VPS41: variants seen among roughly 807,000 people sequenced by gnomAD.
VPS41 encodes VPS41 subunit of HOPS complex.
In VPS41, 85 loss-of-function variants were observed where a neutral mutation model predicts 130.9. The ratio of observed to expected loss-of-function variants is 0.65; its 90% confidence interval spans 0.55 to 0.78. The LOEUF is 0.78. VPS41 is among the 30% of genes least tolerant of loss of function. The pLI, the probability that VPS41 is intolerant of heterozygous loss-of-function variation, is 0.00. For missense variants in VPS41, 874 were observed against 1,018.7 expected (o/e 0.86, Z 1.93); for synonymous variants, 335 against 332.9 (o/e 1.01, Z -0.07).
chr7:38,821,920 A>G (rs912056238), intron 5 of VPS41, among the ~76,000 whole-genome samples: 2 of 152,054 alleles, frequency 1.3e-5, no homozygotes, highest in African/African-American at 2.4e-5. Context: ...AGCTGTCCCT[A>G]AAGGAACTAT....
At chr7:38,831,925 T>C (rs934945582) in intron 4 of VPS41, among the ~76,000 whole-genome samples, 11 of 152,192 alleles carry the variant, frequency 7.2e-5, no homozygotes, top group African/African-American at 2.7e-4. Flanking sequence ...AGCAACATTA[T>C]GGGGGAAAAA....
intron 4 of VPS41, among the ~76,000 whole-genome samples, chr7:38,842,304 A>G (rs1785624400): frequency 6.6e-6 from 1 of 152,106 alleles, no homozygotes; most frequent in Admixed American, 6.6e-5. Context: ...AAGCCCCACA[A>G]GCACATCCCC....
At chr7:38,907,818 A>G (rs1288346674) in intron 1 of VPS41, among the ~76,000 whole-genome samples, 1 of 152,244 alleles carries the variant, frequency 6.6e-6, no homozygotes, top group Non-Finnish European at 1.5e-5. Context: ...ATCAAACCAT[A>G]AAACAAACAT....
At chr7:38,756,694 G>A (rs919701783) in intron 19 of VPS41, 144 bp downstream of exon 19, 17 of 556,140 alleles carry the variant, frequency 3.1e-5, no homozygotes, top group Admixed American at 1.8e-4. Context: ...AACATCTAGC[G>A]AGGGTCAGAG....
At chr7:38,774,059 AG>A in intron 12 of VPS41, 55 bp downstream of exon 12, 1 of 1,471,048 alleles carries the variant, frequency 6.8e-7, no homozygotes, top group African/African-American at 1.4e-5. Flanking sequence ...GCAAGTAGGA[AG>A]GGGGAGAAAA....
chr7:38,765,783 T>C (rs975636464), intron 15 of VPS41, 122 bp from the exon 16 acceptor site: 41 of 621,046 alleles, frequency 6.6e-5, no homozygotes, highest in Non-Finnish European at 1.0e-4. Context: ...CTCAGAGTTT[T>C]GATGAATTTC....
chr7:38,763,574 T>A (rs1783967976), intron 16 of VPS41, 27 bp from the exon 17 acceptor site: 2 of 1,489,366 alleles, frequency 1.3e-6, no homozygotes, highest in Non-Finnish European at 1.8e-6. Context: ...GAAAAAAAAG[T>A]CCATTAAAAT....
chr7:38,811,367 T>C (rs2116065330), intron 7 of VPS41, among the ~76,000 whole-genome samples: 1 of 152,186 alleles, frequency 6.6e-6, no homozygotes, highest in South Asian at 2.1e-4. Context: ...ATCATTATAG[T>C]TTATCAAGAA....
chr7:38,897,939 G>C (rs967678449), intron 2 of VPS41, 152 bp downstream of exon 2: 2 of 509,180 alleles, frequency 3.9e-6, no homozygotes, highest in Non-Finnish European at 7.0e-6. Flanking sequence ...TAAGATAGCT[G>C]GCATATTAAA....
At chr7:38,825,106 T>A (rs1785244575) in intron 5 of VPS41, among the ~76,000 whole-genome samples, 1 of 152,196 alleles carries the variant, frequency 6.6e-6, no homozygotes, top group African/African-American at 2.4e-5. Flanking sequence ...ATCACTATCC[T>A]TAAGAATTCG....
chr7:38,849,524 C>T (rs1247691047), intron 4 of VPS41, among the ~76,000 whole-genome samples: 1 of 152,230 alleles, frequency 6.6e-6, no homozygotes, highest in Non-Finnish European at 1.5e-5. Context: ...CAGTTTTCTC[C>T]TGAAGTCTGG....
chr7:38,757,934 C>G (rs1783834909), intron 18 of VPS41, among the ~76,000 whole-genome samples: 1 of 152,124 alleles, frequency 6.6e-6, no homozygotes, highest in Non-Finnish European at 1.5e-5. Flanking sequence ...TCAGGGAGTC[C>G]TCTATTATGA....
At chr7:38,740,054 CATAGGG>C (rs1157793009) in intron 25 of VPS41, among the ~76,000 whole-genome samples, 1 of 152,152 alleles carries the variant, frequency 6.6e-6, no homozygotes, top group Non-Finnish European at 1.5e-5. Context: ...ATGACCTAGT[CATAGGG>C]ATGCACTATG....
At chr7:38,828,605 C>G (rs1487077031) in intron 5 of VPS41, among the ~76,000 whole-genome samples, 2 of 152,136 alleles carry the variant, frequency 1.3e-5, no homozygotes, top group African/African-American at 4.8e-5. Context: ...TCTCAATTTT[C>G]ACAATACTGA....
intron 2 of VPS41, among the ~76,000 whole-genome samples, chr7:38,895,525 T>C (rs1231465589): frequency 2.0e-5 from 3 of 152,172 alleles, no homozygotes; most frequent in African/African-American, 4.8e-5. Flanking sequence ...CATTTTTAAA[T>C]GTCTTGGATT....
chr7:38,804,596 C>T (rs1219916260), intron 7 of VPS41, among the ~76,000 whole-genome samples: 2 of 152,174 alleles, frequency 1.3e-5, no homozygotes, highest in Non-Finnish European at 2.9e-5. Flanking sequence ...AGCAAAGCTT[C>T]CATGAAAACA....
chr7:38,853,040 G>A (rs942188573), intron 4 of VPS41, among the ~76,000 whole-genome samples: 2 of 152,074 alleles, frequency 1.3e-5, no homozygotes, highest in Admixed American at 1.3e-4. Flanking sequence ...CTACTCCCAA[G>A]ATACTACTAG....
chr7:38,854,264 A>T (rs1339223014), intron 4 of VPS41, among the ~76,000 whole-genome samples: 1 of 152,238 alleles, frequency 6.6e-6, no homozygotes, highest in Non-Finnish European at 1.5e-5. Flanking sequence ...ATCATATCAA[A>T]AAGATACATG....
At position 38,845,937 on chromosome 7, in the gene VPS41, A is replaced by C. The variant is rs114451876; in HGVS notation, c.247-15609T>G. Among the ~76,000 whole-genome samples the C allele has an allele frequency of 4.8e-3, 736 of 152,360 alleles. 7 individuals carry two copies. The highest frequency in any genetic ancestry group is 0.017 in the African/African-American group (700 of 41,584). On this transcript the variant is annotated intron_variant, in intron 4 of 28. Transcript: ENST00000310301. ...ACATAATGTGTGAAATATGATTTAAAAATTATTTGTTCTTAAACCAAGTAA... is the reference window on the plus strand; with the variant it reads ...ACATAATGTGTGAAATATGATTTAACAATTATTTGTTCTTAAACCAAGTAA...
Sources: gnomAD v4.1 joint callset for allele counts (sites outside exome capture counted in the v4.1 genomes callset) on GRCh38, gnomAD v4.1.1 for gene constraint, MANE v1.5 for transcripts, NCBI Gene and HGNC (gene_info 2026-07-23, HGNC 2026-07-21) for gene names.